The following SCN2B variants were observed in gnomAD, a reference collection of about 807,000 sequenced individuals.
SCN2B encodes sodium channel regulatory subunit beta-2.
In SCN2B, 14 loss-of-function variants were observed where a neutral mutation model predicts 18.2. The ratio of observed to expected loss-of-function variants is 0.77; its 90% CI spans 0.51 to 1.21. The LOEUF is 1.21. Ranked by LOEUF, SCN2B falls within the 50% of genes most tolerant of loss-of-function variation. The pLI is 0.00. For synonymous variants in SCN2B, 115 were observed against 115.3 expected, an observed-to-expected ratio of 1.00 and a Z score of 0.02; for missense variants, 262 against 286.9, an observed-to-expected ratio of 0.91 and a Z score of 0.63.
chr11:118,168,521 C>A lies in SCN2B; in HGVS notation c.237+64G>T, dbSNP rs183499618. 3.4e-5 allele frequency: 54 copies of A among 1,605,234 alleles called. No homozygotes were observed. In the African/African-American group the frequency reaches 4.7e-4, roughly 14 times the overall value. ...GCAGTGCCGGGGCCGGTGGTGGGAC[C>A]AGGGGCTTCATGCCATGGGGCTCCT... On this transcript the variant is annotated intron_variant, in intron 2 of 3. Coordinates refer to ENST00000278947, the MANE Select transcript of SCN2B (RefSeq NM_004588.5). The surrounding 1 kb of genome is among the most constrained non-coding windows in gnomAD (Gnocchi z 4.7).
At position 118,168,190 on chromosome 11, in the gene SCN2B, T is replaced by C. The variant is rs758238682; in HGVS notation, c.343A>G (p.Arg115Gly). 1.4e-5 allele frequency: 23 copies of C among 1,614,090 alleles called. No individual in the cohort carries two copies. The Admixed American group carries it at 3.7e-4, about 26-fold the overall frequency. The stretch of plus-strand genomic sequence containing the variant: ...CCCTCATCCTCCGGCTGCACGTTTC[T>C]CAGCATCACCGACACATCGTACTTG... ...PSKYDVSVMLRNVQPEDEGIY... is the reference protein window; with the variant it reads ...PSKYDVSVMLGNVQPEDEGIY... The change falls in exon 3 of 4, where the codon AGA becomes GGA. Residue 115 changes from arginine to glycine, a missense_variant. Coordinates refer to ENST00000278947, the MANE Select transcript of SCN2B (RefSeq NM_004588.5). This position sits in a 1 kb window ranked among gnomAD's most constrained non-coding sequence, Gnocchi z 4.7.
Position 118,167,011 on chromosome 11 carries a change from A to G in SCN2B, c.524T>C (p.Leu175Ser). 1 of 1,613,982 alleles carries G rather than the reference A, an allele frequency of 6.2e-7. No homozygotes were observed. Among genetic ancestry groups the G allele is most frequent in the South Asian group, 1.1e-5 (1 of 91,072 alleles). ...SVGGFLAVVI[L>S]VLMVVKCVRR... ...CACACACTTGACCACCATCAGCACC[A>G]AGATGACCACAGCCAGGAAGCCCCC... The change falls in exon 4 of 4, where the codon TTG becomes TCG. Residue 175 changes from leucine (L) to serine (S), a missense_variant. Coordinates refer to ENST00000278947, the MANE Select transcript of SCN2B (RefSeq NM_004588.5).
chr11:118,168,881 G>T lies in SCN2B; in HGVS notation c.71-130C>A, dbSNP rs1310823047. On this transcript the variant is annotated intron_variant, in intron 1 of 3. Coordinates refer to ENST00000278947, the MANE Select transcript of SCN2B (RefSeq NM_004588.5). This position sits in a 1 kb window ranked among gnomAD's most constrained non-coding sequence, Gnocchi z 4.7. The stretch of plus-strand genomic sequence containing the variant: ...CAGGGAGGGGACTGGGTCCCTGACA[G>T]CTCCAGTTAATCAGGAGGTGGGAGT... 3.1e-6 allele frequency: 3 copies of T among 960,792 alleles called. No homozygotes were observed. The highest frequency in any genetic ancestry group is 5.0e-6 in the Non-Finnish European group (3 of 598,320). The allele number at this position is 960,792 out of a possible 1,614,324, so 59.5% of individuals were successfully genotyped here. A position where few individuals can be genotyped will look rare whatever the true frequency, so the allele number is the denominator to read the frequency against.
intron 1 of SCN2B, among the ~76,000 whole-genome samples, chr11:118,172,051 G>A (rs1010023256): frequency 6.6e-6 from 1 of 152,194 alleles, no homozygotes; most frequent in African/African-American, 2.4e-5. Flanking sequence ...CTAGGGTGCT[G>A]GCCTCAGACC....
At position 118,176,505 on chromosome 11, in the gene SCN2B, G is replaced by A; in HGVS notation, c.-74C>T. 5 of 1,087,322 alleles carry A rather than the reference G, an allele frequency of 4.6e-6. No homozygotes were observed. Among genetic ancestry groups the A allele is most frequent in the Non-Finnish European group, 5.7e-6 (4 of 700,744 alleles). The allele number at this position is 1,087,322 out of a possible 1,614,324, so 67.4% of individuals were successfully genotyped here. ...TGAGGGGGCGAGAACTACAAGGGAG[G>A]AATGGTTGGATGCTAAAAAAAAATG... On this transcript the variant is annotated 5_prime_UTR_variant, in exon 1 of 4. Coordinates refer to ENST00000278947, the MANE Select transcript of SCN2B (RefSeq NM_004588.5).
intron 1 of SCN2B, among the ~76,000 whole-genome samples, chr11:118,176,050 T>G (rs564923635): frequency 6.6e-6 from 1 of 152,186 alleles, no homozygotes; most frequent in African/African-American, 2.4e-5. Flanking sequence ...CTGAAGAGAC[T>G]GCAGGTCAAT....
chr11:118,167,723 AT>A (rs1948396003), intron 3 of SCN2B, among the ~76,000 whole-genome samples: 1 of 152,012 alleles, frequency 6.6e-6, no homozygotes, highest in South Asian at 2.1e-4. Context: ...TGCCCAGCTA[AT>A]TTTTGCATTT....
chr11:118,169,983 G>A (rs1376357424), intron 1 of SCN2B, among the ~76,000 whole-genome samples: 1 of 152,166 alleles, frequency 6.6e-6, no homozygotes, highest in African/African-American at 2.4e-5. Flanking sequence ...AAGATGCTCT[G>A]CCCGTATCCT....
At chr11:118,174,985 G>A (rs145889994) in intron 1 of SCN2B, among the ~76,000 whole-genome samples, 5 of 152,266 alleles carry the variant, frequency 3.3e-5, no homozygotes, top group African/African-American at 4.8e-5. Flanking sequence ...GGAATCCAAC[G>A]TTTAAGAGAA....
intron 1 of SCN2B, among the ~76,000 whole-genome samples, chr11:118,171,489 C>G (rs1948430547): frequency 6.6e-6 from 1 of 152,242 alleles, no homozygotes; most frequent in African/African-American, 2.4e-5. Context: ...ATCCCTCTAG[C>G]TCTTCCCTTG....
intron 1 of SCN2B, among the ~76,000 whole-genome samples, chr11:118,175,222 A>G (rs914543811): frequency 6.6e-6 from 1 of 152,200 alleles, no homozygotes; most frequent in African/African-American, 2.4e-5. Context: ...TCTTTAGTTT[A>G]CCCGGGAGGG....
chr11:118,174,719 C>T (rs11216797), intron 1 of SCN2B, among the ~76,000 whole-genome samples: 1,723 of 152,298 alleles, frequency 0.011, 39 homozygotes, highest in African/African-American at 0.039. Context: ...CAGACTCCCT[C>T]TTCCTCACCC....
intron 1 of SCN2B, among the ~76,000 whole-genome samples, chr11:118,174,016 G>A (rs1402407971): frequency 1.3e-5 from 2 of 148,920 alleles, no homozygotes; most frequent in Admixed American, 6.7e-5. Flanking sequence ...TGGAACTCTT[G>A]ATACTCCTTC....
intron 1 of SCN2B, among the ~76,000 whole-genome samples, chr11:118,170,117 A>C (rs2135519039): frequency 6.6e-6 from 1 of 152,348 alleles, no homozygotes; most frequent in South Asian, 2.1e-4. Context: ...CACTTAGTCT[A>C]GGCCCTGGGG....
rs1281585060 is a variant in SCN2B at position 118,176,618 on chromosome 11, A to AAG, written c.-189_-188dup. 17 of 363,014 alleles carry AAG rather than the reference A, an allele frequency of 4.7e-5. No homozygotes were observed. The highest frequency in any genetic ancestry group is 7.2e-4 in the Middle Eastern group (1 of 1,388). 22.5% of individuals were successfully genotyped at this position (363,014 alleles called of 1,614,324 possible). ...GGCCGGCTTGTATGTTGCTGCTAAA[A>AAG]AGAGAGAGAGAGGGAGTGTGTAAAG... On this transcript the variant is annotated 5_prime_UTR_variant, in exon 1 of 4. Coordinates refer to ENST00000278947, the MANE Select transcript of SCN2B (RefSeq NM_004588.5).
At position 118,164,873 on chromosome 11, in the gene SCN2B, A is replaced by C. The variant is rs1419501816; in HGVS notation, c.*2014T>G. 1.3e-5 allele frequency: 2 copies of C among 152,648 alleles called. No individual in the cohort carries two copies. 9.5% of individuals were successfully genotyped at this position (152,648 alleles called of 1,614,324 possible). On this transcript the variant is annotated 3_prime_UTR_variant, in exon 4 of 4. Transcript: ENST00000278947. Reference sequence around the variant, plus strand: ...TCCCAGATGATATTGCTGTCTCCCCAAATTGGCAATCTGATGGGCAGAGGC... The same window carrying C: ...TCCCAGATGATATTGCTGTCTCCCCCAATTGGCAATCTGATGGGCAGAGGC...
At chr11:118,173,853 C>A (rs1455144956) in intron 1 of SCN2B, among the ~76,000 whole-genome samples, 1 of 152,132 alleles carries the variant, frequency 6.6e-6, no homozygotes, top group Non-Finnish European at 1.5e-5. Context: ...TCTGGGTCCC[C>A]ACCACCACAA....
rs764817314 is a variant in SCN2B at position 118,176,392 on chromosome 11, G to A, written c.40C>T (p.Leu14Phe). 20 of 1,614,010 alleles carry A rather than the reference G, an allele frequency of 1.2e-5. No individual in the cohort carries two copies. The highest frequency in any genetic ancestry group is 1.5e-5 in the Non-Finnish European group (18 of 1,180,014). Residue 14 changes from leucine to phenylalanine, a missense_variant, in exon 1 of 4, where the codon CTC (leucine) becomes TTC (phenylalanine). By Grantham distance (22) the Leu-to-Phe change is conservative. Transcript: ENST00000278947. ...DAWLPRPAFS[L>F]TGLSLFFSLV... ...GAGAAAAAGAGACTGAGCCCCGTGAGGCTGAAGGCAGGGCGAGGTAGCCAG... is the reference window on the plus strand; with the variant it reads ...GAGAAAAAGAGACTGAGCCCCGTGAAGCTGAAGGCAGGGCGAGGTAGCCAG...
chr11:118,176,455 G>T lies in SCN2B; in HGVS notation c.-24C>A. The T allele has an allele frequency of 6.2e-7, 1 of 1,604,912 alleles. No individual in the cohort carries two copies. Among genetic ancestry groups the T allele is most frequent in the Non-Finnish European group, 8.5e-7 (1 of 1,171,756 alleles). On this transcript the variant is annotated 5_prime_UTR_variant, in exon 1 of 4. Transcript: ENST00000278947. ...ATTTTCAGAGACTGAGATGTTAGTCGGGTGGGCTACGGGAGAGGGTGATTT... is the reference window on the plus strand; with the variant it reads ...ATTTTCAGAGACTGAGATGTTAGTCTGGTGGGCTACGGGAGAGGGTGATTT...
Sources: gnomAD v4.1 joint callset for allele counts (sites outside exome capture counted in the v4.1 genomes callset) on GRCh38, gnomAD v4.1.1 for gene constraint, Gnocchi (gnomAD v3.1) non-coding constraint, MANE v1.5 for transcripts, NCBI Gene and HGNC (gene_info 2026-07-23, HGNC 2026-07-21) for gene names.